The following LINGO2 variants were observed in gnomAD, a reference collection of about 807,000 sequenced individuals.
LINGO2 encodes leucine rich repeat and Ig domain containing 2.
A neutral mutation model predicts 30.6 loss-of-function variants in LINGO2; 14 were observed. The observed-to-expected ratio is 0.46, with a 90% confidence interval of 0.30 to 0.72. The LOEUF (loss-of-function observed/expected upper bound fraction) is 0.72. Ranked by LOEUF, LINGO2 falls within the 30% of genes least tolerant of loss-of-function variation. The pLI is 0.07. For synonymous variants in LINGO2, 317 were observed against 288.5 expected, an observed-to-expected ratio of 1.10 and a Z score of -1.00; for missense variants, 729 against 751.7, an observed-to-expected ratio of 0.97 and a Z score of 0.35.
Position 28,207,871 on chromosome 9 carries a change from G to GT in LINGO2, c.-87+87336dup, listed in dbSNP as rs533449228. Reference sequence around the variant, plus strand: ...TTGAAAACTGAAAGAGAAAGAGGGTGTTTTTTTTTTAAATGTTTTGCATGA... The same window carrying GT: ...TTGAAAACTGAAAGAGAAAGAGGGTGTTTTTTTTTTTAAATGTTTTGCATGA... On this transcript the variant is annotated intron_variant, in intron 4 of 5. Coordinates refer to ENST00000379992, the Ensembl canonical transcript of LINGO2. 6.1e-3 allele frequency among the ~76,000 whole-genome samples: 914 copies of GT among 148,706 alleles called. 12 individuals carry two copies. The highest frequency in any genetic ancestry group is 0.055 in the South Asian group (257 of 4,684).
the LINGO2 span, among the ~76,000 whole-genome samples, chr9:28,683,117 T>C: frequency 2.0e-5 from 3 of 152,152 alleles, no homozygotes; most frequent in African/African-American, 4.8e-5. Flanking sequence ...TGCTTGTATT[T>C]ATATGTTTTC....
At chr9:28,885,356 T>TACACACACACACACAC in the LINGO2 span, among the ~76,000 whole-genome samples, 1,428 of 132,920 alleles carry the variant, frequency 0.011, 13 homozygotes, top group Middle Eastern at 0.02. Context: ...GAGATATATA[T>TACACACACACACACAC]ATATACACAC....
the LINGO2 span, among the ~76,000 whole-genome samples, chr9:28,906,650 A>G: frequency 8.5e-5 from 13 of 152,058 alleles, no homozygotes; most frequent in Non-Finnish European, 1.8e-4. Flanking sequence ...AACATCTACC[A>G]GAGAATTTAG....
At chr9:28,837,680 A>ATATATATT in the LINGO2 span, among the ~76,000 whole-genome samples, 1 of 133,132 alleles carries the variant, frequency 7.5e-6, no homozygotes, top group Non-Finnish European at 1.6e-5. Flanking sequence ...ATATATATAT[A>ATATATATT]TTTAGGATAA....
At chr9:28,824,317 G>A in the LINGO2 span, among the ~76,000 whole-genome samples, 1 of 152,108 alleles carries the variant, frequency 6.6e-6, no homozygotes, top group Non-Finnish European at 1.5e-5. Context: ...AAAAAGTAGG[G>A]CCTTAGTGCT....
At chr9:28,370,260 AC>A (rs895731850) in intron 3 of LINGO2, among the ~76,000 whole-genome samples, 2 of 152,140 alleles carry the variant, frequency 1.3e-5, no homozygotes, top group African/African-American at 4.8e-5. Context: ...CTAATGGTTT[AC>A]CCTGCAAATC....
chr9:28,963,695 T>A, the LINGO2 span, among the ~76,000 whole-genome samples: 1 of 151,900 alleles, frequency 6.6e-6, no homozygotes, highest in Non-Finnish European at 1.5e-5. Context: ...ACAAATACCA[T>A]ATATTCTTAC....
At chr9:28,279,451 A>C (rs4614079) in intron 4 of LINGO2, among the ~76,000 whole-genome samples, 1,713 of 152,274 alleles carry the variant, frequency 0.011, 32 homozygotes, top group African/African-American at 0.039. Flanking sequence ...CAGCCACTTC[A>C]ACCTTCTGAT....
At chr9:28,389,760 A>C (rs1464782014) in intron 2 of LINGO2, among the ~76,000 whole-genome samples, 1 of 152,196 alleles carries the variant, frequency 6.6e-6, no homozygotes, top group African/African-American at 2.4e-5. Context: ...AAAATCTAGA[A>C]ACTATTTTGC....
the LINGO2 span, among the ~76,000 whole-genome samples, chr9:28,793,186 A>G: frequency 0.041 from 6,276 of 152,210 alleles, 393 homozygotes; most frequent in African/African-American, 0.14. Context: ...AACAAACATG[A>G]GTATTACTGA....
intron 2 of LINGO2, among the ~76,000 whole-genome samples, chr9:28,441,454 G>A (rs1419954689): frequency 6.7e-6 from 1 of 149,562 alleles, no homozygotes; most frequent in Admixed American, 6.6e-5. Flanking sequence ...CATACTTCAT[G>A]TTAGTTCTCA....
the LINGO2 span, among the ~76,000 whole-genome samples, chr9:29,119,951 T>C: frequency 6.6e-6 from 1 of 152,132 alleles, no homozygotes; most frequent in Non-Finnish European, 1.5e-5. Context: ...AACTTGAATC[T>C]CAGAAATGCA....
the LINGO2 span, among the ~76,000 whole-genome samples, chr9:28,840,476 A>G: frequency 6.6e-6 from 1 of 151,820 alleles, no homozygotes; most frequent in East Asian, 1.9e-4. Flanking sequence ...CTTCTATGAC[A>G]TAACAACATC....
intron 1 of LINGO2, among the ~76,000 whole-genome samples, chr9:28,501,726 G>C (rs1819894867): frequency 2.0e-5 from 3 of 151,882 alleles, no homozygotes; most frequent in Admixed American, 2.0e-4. Context: ...ACTACTACCA[G>C]CTGATACTTG....
At chr9:28,122,376 T>C (rs777278653) in intron 4 of LINGO2, among the ~76,000 whole-genome samples, 10 of 152,250 alleles carry the variant, frequency 6.6e-5, no homozygotes, top group Non-Finnish European at 1.2e-4. Context: ...AGAAGGAAAA[T>C]AACAAGTGCT....
intron 3 of LINGO2, among the ~76,000 whole-genome samples, chr9:28,316,635 G>C (rs368688965): frequency 6.6e-6 from 1 of 152,090 alleles, no homozygotes. Flanking sequence ...AGAGGAACCG[G>C]CATTTGAACT....
intron 1 of LINGO2, among the ~76,000 whole-genome samples, chr9:28,592,550 C>A (rs1401089223): frequency 6.6e-6 from 1 of 152,072 alleles, no homozygotes; most frequent in African/African-American, 2.4e-5. Context: ...TGTTGAAGCA[C>A]AGCTGAATAA....
At chr9:28,267,170 T>G (rs1822781601) in intron 4 of LINGO2, among the ~76,000 whole-genome samples, 1 of 152,060 alleles carries the variant, frequency 6.6e-6, no homozygotes, top group Non-Finnish European at 1.5e-5. Context: ...ATTGTGTGAT[T>G]ATTTCAGGAT....
At chr9:28,526,997 A>G (rs1193274345) in intron 1 of LINGO2, among the ~76,000 whole-genome samples, 1 of 152,246 alleles carries the variant, frequency 6.6e-6, no homozygotes, top group Non-Finnish European at 1.5e-5. Flanking sequence ...TTACATTATT[A>G]TATTAAAAGT....
Sources: allele counts gnomAD v4.1 joint callset (sites outside exome capture counted in the v4.1 genomes callset), GRCh38; gene constraint gnomAD v4.1.1; transcripts MANE v1.5; gene names NCBI Gene and HGNC (gene_info 2026-07-23, HGNC 2026-07-21).